SLC6A19: variants seen among roughly 807,000 people sequenced by gnomAD.
SLC6A19 encodes the protein solute carrier family 6 member 19, also known as sodium-dependent neutral amino acid transporter B(0)AT1.
Under a neutral mutation model 68.3 loss-of-function variants are expected in SLC6A19, and 67 were observed. The observed-to-expected ratio is 0.98, with a 90% CI of 0.81 to 1.20. SLC6A19 has a LOEUF of 1.20. Ranked by LOEUF, SLC6A19 falls within the 50% of genes most tolerant of loss-of-function variation. SLC6A19 has a pLI of 0.00. For synonymous variants in SLC6A19, 392 were observed against 374.9 expected (o/e 1.05, Z -0.53); for missense variants, 813 against 851.6 (o/e 0.95, Z 0.56).
chr5:1,215,874 C>G lies in SLC6A19; in HGVS notation c.888-684C>G, dbSNP rs564693551. On this transcript the variant is annotated intron_variant, in intron 6 of 11. Coordinates refer to ENST00000304460, the MANE Select transcript of SLC6A19 (RefSeq NM_001003841.3). The surrounding 1 kb of genome is among the most constrained non-coding windows in gnomAD (Gnocchi z 5.1). ...AGCGTGCAGGAAGCTCCAGTTTCCC[C>G]GTATCCTCACCAACACTTGTTATTG... is the stretch of plus-strand genomic sequence containing the variant. Among the ~76,000 whole-genome samples the G allele has an allele frequency of 1.3e-5, 2 of 152,164 alleles. No homozygotes were observed. Among genetic ancestry groups the G allele is most frequent in the East Asian group, 1.9e-4 (1 of 5,194 alleles).
In SLC6A19 at chr5:1,221,082, C is replaced by T. The variant is rs182909202; in HGVS notation, c.1539-69C>T. 7.7e-4 allele frequency: 1,216 copies of T among 1,570,366 alleles called. 4 individuals are homozygous for T. The African/African-American group carries it at 0.013, about 16-fold the overall frequency. ...CACACCATCTGTTCGGGTAGCAGAACGTACAGAAAGCTTAGCGAGTTGAAG... is the reference window on the plus strand; with the variant it reads ...CACACCATCTGTTCGGGTAGCAGAATGTACAGAAAGCTTAGCGAGTTGAAG... On this transcript the variant is annotated intron_variant, in intron 10 of 11. Transcript: ENST00000304460.
At chr5:1,217,101 G>A (rs1218422655) in intron 8 of SLC6A19, among the ~76,000 whole-genome samples, 156 bp downstream of exon 8, 6 of 152,250 alleles carry the variant, frequency 3.9e-5, no homozygotes, top group Non-Finnish European at 8.8e-5. Context: ...GGCGTCCAGG[G>A]CTCTTCGGTC....
At chr5:1,220,196 A>G (rs886549076) in intron 10 of SLC6A19, among the ~76,000 whole-genome samples, 1 of 152,072 alleles carries the variant, frequency 6.6e-6, no homozygotes, top group Non-Finnish European at 1.5e-5. Context: ...AATCACTTGA[A>G]GTCAGCAGTT....
At position 1,213,446 on chromosome 5, in the gene SLC6A19, T is replaced by A; in HGVS notation, c.664-17T>A. On this transcript the variant is annotated splice_polypyrimidine_tract_variant and intron_variant, in intron 4 of 11. Coordinates refer to ENST00000304460, the MANE Select transcript of SLC6A19 (RefSeq NM_001003841.3). The stretch of plus-strand genomic sequence containing the variant: ...CCCCCAACTTCCCGCCCATCCCACA[T>A]GTCCCGCCCTCCGCAGGCCGTGTAC... 27 of 946,416 alleles carry A rather than the reference T, an allele frequency of 2.9e-5. No homozygotes were observed. The highest frequency in any genetic ancestry group is 2.6e-4 in the Middle Eastern group (1 of 3,868). 58.6% of individuals were successfully genotyped at this position (946,416 alleles called of 1,614,324 possible).
chr5:1,221,752 G>T lies in SLC6A19; in HGVS notation c.1753G>T (p.Val585Leu). ...KISYPNWVYV[V>L]VVIVAGVPSL... ...CTCCTACCCGAACTGGGTGTATGTGGTGGTGGTGATTGTGGCTGGAGTGCC... is the reference window on the plus strand; with the variant it reads ...CTCCTACCCGAACTGGGTGTATGTGTTGGTGGTGATTGTGGCTGGAGTGCC... The change falls in exon 12 of 12, where the codon GTG (valine) becomes TTG (leucine). Residue 585 changes from valine (V) to leucine (L), a missense_variant. Transcript: ENST00000304460. 2 of 1,614,114 alleles carry T rather than the reference G, an allele frequency of 1.2e-6. No individual in the cohort carries two copies. Among genetic ancestry groups the T allele is most frequent in the South Asian group, 1.1e-5 (1 of 91,086 alleles).
chr5:1,219,527 C>A lies in SLC6A19; in HGVS notation c.1401C>A (p.Phe467Leu). ...VLTGLICLGT[F>L]LIGFIFTLNS... Reference sequence around the variant, plus strand: ...CAGGCCTCATCTGCCTGGGGACATTCCTCATTGGCTTCATCTTCACGCTGA... The same window carrying A: ...CAGGCCTCATCTGCCTGGGGACATTACTCATTGGCTTCATCTTCACGCTGA... The change falls in exon 10 of 12, where the codon TTC becomes TTA. Residue 467 changes from phenylalanine to leucine, a missense_variant. Coordinates refer to ENST00000304460, the MANE Select transcript of SLC6A19 (RefSeq NM_001003841.3). The A allele has an allele frequency of 6.2e-7, 1 of 1,612,254 alleles. No individual in the cohort carries two copies. The highest frequency in any genetic ancestry group is 1.3e-5 in the African/African-American group (1 of 75,082).
chr5:1,221,544 T>A (rs932401107), intron 11 of SLC6A19, among the ~76,000 whole-genome samples, 157 bp from the exon 12 acceptor site: 2 of 151,694 alleles, frequency 1.3e-5, no homozygotes, highest in Non-Finnish European at 2.9e-5. Context: ...GGGCTGGGAG[T>A]TGGGAGGTAG....
At chr5:1,210,407 G>T (rs781436029) in intron 2 of SLC6A19, 37 bp from the exon 3 acceptor site, 58 of 1,610,076 alleles carry the variant, frequency 3.6e-5, no homozygotes, top group Middle Eastern at 3.3e-4. Flanking sequence ...TGGAGGGTGT[G>T]CCTCGGCCCC....
chr5:1,210,726 A>G, intron 3 of SLC6A19, 145 bp downstream of exon 3: 1 of 1,232,278 alleles, frequency 8.1e-7, no homozygotes. Context: ...TGACAGCACG[A>G]AAGAAAAGAC....
At position 1,201,867 on chromosome 5, in the gene SLC6A19, C is replaced by A; in HGVS notation, c.202+15C>A. ...CCACGGAGGAGGTAGGCTGGCCGGGCGGGGCTGCGGGCGAGGCCGTGGCCA... is the reference window on the plus strand; with the variant it reads ...CCACGGAGGAGGTAGGCTGGCCGGGAGGGGCTGCGGGCGAGGCCGTGGCCA... On this transcript the variant is annotated intron_variant, in intron 1 of 11. Transcript: ENST00000304460. 2 of 1,604,862 alleles carry A rather than the reference C, an allele frequency of 1.2e-6. No individual in the cohort carries two copies. Among genetic ancestry groups the A allele is most frequent in the Non-Finnish European group, 1.7e-6 (2 of 1,178,588 alleles).
chr5:1,207,957 G>T lies in SLC6A19; in HGVS notation c.203-789G>T, dbSNP rs116127470. ...AGAGGTAGCAGTGCAGAGGTGGGTA[G>T]ATCCCCCATAAGACAAGACCGTTGT... On this transcript the variant is annotated intron_variant, in intron 1 of 11. Transcript: ENST00000304460. Among the ~76,000 whole-genome samples the T allele has an allele frequency of 4.4e-3, 669 of 152,346 alleles. 5 individuals are homozygous for T. The highest frequency in any genetic ancestry group is 0.015 in the African/African-American group (641 of 41,584).
chr5:1,204,123 C>A (rs1209688137), intron 1 of SLC6A19, among the ~76,000 whole-genome samples: 1 of 152,204 alleles, frequency 6.6e-6, no homozygotes, highest in East Asian at 1.9e-4. Flanking sequence ...GTCATCGAGA[C>A]CAAATCGAGG....
chr5:1,219,330 C>T (rs987728920), intron 9 of SLC6A19, among the ~76,000 whole-genome samples, 175 bp from the exon 10 acceptor site: 4 of 146,632 alleles, frequency 2.7e-5, no homozygotes, highest in African/African-American at 7.6e-5. Context: ...CCCGGCCGTG[C>T]GTGCAGCCGC....
chr5:1,212,494 G>T lies in SLC6A19; in HGVS notation c.663+10G>T. 1 of 1,605,266 alleles carries T rather than the reference G, an allele frequency of 6.2e-7. No homozygotes were observed. Among genetic ancestry groups the T allele is most frequent in the East Asian group, 2.2e-5 (1 of 44,864 alleles). The stretch of plus-strand genomic sequence containing the variant: ...CGAGACCACCGGGAAGGTACTGCAT[G>T]GGCCCGGCCAGGCTGCAGGTGCTCC... On this transcript the variant is annotated intron_variant, in intron 4 of 11. Transcript: ENST00000304460. The surrounding 1 kb of genome is among the most constrained non-coding windows in gnomAD (Gnocchi z 5.1).
rs1257371886 is a variant in SLC6A19 at position 1,215,434 on chromosome 5, G to C, written c.888-1124G>C. 6.6e-6 allele frequency among the ~76,000 whole-genome samples: 1 copy of C among 152,214 alleles called. No individual in the cohort carries two copies. Among genetic ancestry groups the C allele is most frequent in the East Asian group, 1.9e-4 (1 of 5,192 alleles). ...TGCCCTGTCCTCCTGCCCCGGGTGA[G>C]CACTGATGCGCTCTCTGCCTCTGTG... On this transcript the variant is annotated intron_variant, in intron 6 of 11. Coordinates refer to ENST00000304460, the MANE Select transcript of SLC6A19 (RefSeq NM_001003841.3). The surrounding 1 kb of genome is among the most constrained non-coding windows in gnomAD (Gnocchi z 5.1).
chr5:1,219,976 C>G (rs1746325257), intron 10 of SLC6A19, among the ~76,000 whole-genome samples: 1 of 152,104 alleles, frequency 6.6e-6, no homozygotes, highest in Non-Finnish European at 1.5e-5. Flanking sequence ...CGGGGATGCT[C>G]CTTGTGTGTG....
chr5:1,205,487 G>A (rs10057356), intron 1 of SLC6A19, among the ~76,000 whole-genome samples: 2 of 152,200 alleles, frequency 1.3e-5, no homozygotes, highest in Admixed American at 6.5e-5. Context: ...AGCCCCAGGG[G>A]TTGGGGATTT....
At chr5:1,205,283 A>G (rs1294095196) in intron 1 of SLC6A19, among the ~76,000 whole-genome samples, 1 of 152,230 alleles carries the variant, frequency 6.6e-6, no homozygotes, top group Non-Finnish European at 1.5e-5. Flanking sequence ...CGCTGCGTTT[A>G]AAAGACAAAT....
Position 1,216,661 on chromosome 5 carries a change from C to A in SLC6A19, c.991C>A (p.Gln331Lys), listed in dbSNP as rs1408934525. The change falls in exon 7 of 12, where the codon CAG (glutamine) becomes AAG (lysine). Residue 331 changes from glutamine to lysine, a missense_variant. Transcript: ENST00000304460. ...CTCCGTCATTGGGTTCCGCGCCACA[C>A]AGCGCTACGACGACTGCTTCAGCAC... The part of the protein sequence containing the change: ...VYSVIGFRAT[Q>K]RYDDCFSTNI... The A allele has an allele frequency of 6.2e-7, 1 of 1,613,792 alleles. No individual in the cohort carries two copies. The highest frequency in any genetic ancestry group is 8.5e-7 in the Non-Finnish European group (1 of 1,180,048).
Sources: allele counts gnomAD v4.1 joint callset (sites outside exome capture counted in the v4.1 genomes callset), GRCh38; gene constraint gnomAD v4.1.1; non-coding constraint Gnocchi (gnomAD v3.1); transcripts MANE v1.5; gene names NCBI Gene and HGNC (gene_info 2026-07-23, HGNC 2026-07-21).